The following MYCT1 variants were observed in gnomAD, a reference collection of about 807,000 sequenced individuals.
MYCT1 encodes MYC target 1, also known as myc target protein 1.
MYCT1 carries 12 observed loss-of-function variants against 15.0 expected under a neutral mutation model. The observed-to-expected ratio is 0.80, with a 90% CI of 0.51 to 1.29. MYCT1 has a LOEUF of 1.29. Ranked by LOEUF, MYCT1 falls within the 50% of genes most tolerant of loss-of-function variation. The pLI is 0.00. For synonymous variants in MYCT1, 104 were observed against 102.7 expected (o/e 1.01, Z -0.07); for missense variants, 287 against 279.1 (o/e 1.03, Z -0.20).
intron 1 of MYCT1, among the ~76,000 whole-genome samples, chr6:152,719,250 C>T (rs2099724273): frequency 6.6e-6 from 1 of 152,212 alleles, no homozygotes; most frequent in Non-Finnish European, 1.5e-5. Context: ...ACCATTCTCT[C>T]AAGTATTTCT....
Position 152,722,156 on chromosome 6 carries a change from G to A in MYCT1, c.611G>A (p.Arg204His), listed in dbSNP as rs375330501. 3.8e-5 allele frequency: 62 copies of A among 1,613,938 alleles called. No individual in the cohort carries two copies. The African/African-American group carries it at 4.7e-4, about 12-fold the overall frequency. Residue 204 changes from arginine (R) to histidine (H), a missense_variant, in exon 2 of 2, where the codon CGT (arginine) becomes CAT (histidine). By Grantham distance (29) the Arg-to-His change is conservative. Coordinates refer to ENST00000367245, the MANE Select transcript of MYCT1 (RefSeq NM_025107.3). The part of the protein sequence containing the change: ...PTISTSHSLS[R>H]PDYWSSNSLR... ...ATCAGCACTTCCCACAGTCTGAGCC[G>A]TCCTGACTACTGGTCCAGTAACAGT... is the stretch of plus-strand genomic sequence containing the variant.
At chr6:152,699,262 G>A (rs1317129080) in intron 1 of MYCT1, among the ~76,000 whole-genome samples, 2 of 152,072 alleles carry the variant, frequency 1.3e-5, no homozygotes, top group Non-Finnish European at 2.9e-5. Context: ...GATGAAAAAT[G>A]TGGGGACAAA....
At chr6:152,737,339 G>A in the MYCT1 span, among the ~76,000 whole-genome samples, 2 of 151,804 alleles carry the variant, frequency 1.3e-5, no homozygotes. Flanking sequence ...TTATGTATGT[G>A]TGTGTTTATA....
At chr6:152,707,423 G>C (rs910508066) in intron 1 of MYCT1, among the ~76,000 whole-genome samples, 1 of 151,818 alleles carries the variant, frequency 6.6e-6, no homozygotes, top group Non-Finnish European at 1.5e-5. Context: ...TCAGATATAC[G>C]GTTTGCAAAT....
downstream of MYCT1, among the ~76,000 whole-genome samples, chr6:152,728,187 C>T (rs2099725988): frequency 6.7e-6 from 1 of 150,088 alleles, no homozygotes; most frequent in African/African-American, 2.4e-5. Flanking sequence ...AAGGAAAAAG[C>T]AGGCTTCATA....
chr6:152,705,917 T>C, intron 1 of MYCT1: 1 of 765,902 alleles, frequency 1.3e-6, no homozygotes, highest in Non-Finnish European at 2.4e-6. Flanking sequence ...TTGGTTACGA[T>C]GCTATGGTCA....
At chr6:152,739,711 T>C in the MYCT1 span, among the ~76,000 whole-genome samples, 12 of 152,276 alleles carry the variant, frequency 7.9e-5, no homozygotes, top group East Asian at 1.9e-3. Flanking sequence ...TAACTTTCTG[T>C]CATATATTCA....
At chr6:152,746,211 G>A in the MYCT1 span, among the ~76,000 whole-genome samples, 1 of 152,244 alleles carries the variant, frequency 6.6e-6, no homozygotes, top group Non-Finnish European at 1.5e-5. Flanking sequence ...CACAGAGGGT[G>A]ATTGAGTTGA....
the MYCT1 span, among the ~76,000 whole-genome samples, chr6:152,744,438 C>CGG: frequency 5.3e-5 from 8 of 151,878 alleles, no homozygotes; most frequent in Admixed American, 3.3e-4. Flanking sequence ...AGGAAGGACT[C>CGG]AAGGCTCTTT....
chr6:152,714,504 A>T (rs1484414917), intron 1 of MYCT1, among the ~76,000 whole-genome samples: 1 of 151,254 alleles, frequency 6.6e-6, no homozygotes, highest in Non-Finnish European at 1.5e-5. Context: ...GGCTTTAGGC[A>T]CATCTCACAT....
chr6:152,742,469 G>A, the MYCT1 span, among the ~76,000 whole-genome samples: 1 of 152,138 alleles, frequency 6.6e-6, no homozygotes, highest in Non-Finnish European at 1.5e-5. Flanking sequence ...GATGAGAATA[G>A]CGTGATCCAG....
the MYCT1 span, among the ~76,000 whole-genome samples, chr6:152,745,058 T>C: frequency 6.6e-6 from 1 of 152,154 alleles, no homozygotes; most frequent in Admixed American, 6.5e-5. Flanking sequence ...ACATGTGGCC[T>C]CCAGGGTCAG....
intron 1 of MYCT1, among the ~76,000 whole-genome samples, chr6:152,707,252 G>A (rs2099722456): frequency 6.6e-6 from 1 of 151,992 alleles, no homozygotes. Flanking sequence ...TCCCTGATGA[G>A]TAGTTATGTT....
the MYCT1 span, among the ~76,000 whole-genome samples, chr6:152,741,652 G>A: frequency 2.6e-5 from 4 of 152,128 alleles, no homozygotes; most frequent in Non-Finnish European, 5.9e-5. Flanking sequence ...TTTAAAAATT[G>A]TATGATTTTT....
downstream of MYCT1, among the ~76,000 whole-genome samples, chr6:152,728,296 TTAAG>T (rs2099726004): frequency 6.6e-6 from 1 of 152,126 alleles, no homozygotes; most frequent in Non-Finnish European, 1.5e-5. Context: ...ATGGGTGCCA[TTAAG>T]TAACAGAAGT....
Position 152,720,219 on chromosome 6 carries a change from C to T in MYCT1, c.197-1523C>T, listed in dbSNP as rs991466786. Among the ~76,000 whole-genome samples the T allele has an allele frequency of 1.8e-4, 28 of 152,002 alleles. No homozygotes were observed. The Middle Eastern group carries it at 0.01, about 56-fold the overall frequency. On this transcript the variant is annotated intron_variant, in intron 1 of 1. Transcript: ENST00000367245. ...TCATCATCTGGCAGGCTAGTCTGGC[C>T]TTATTTATATGCTGACAATGGCAGG...
the MYCT1 span, among the ~76,000 whole-genome samples, chr6:152,734,439 G>A: frequency 6.6e-6 from 1 of 152,134 alleles, no homozygotes; most frequent in Non-Finnish European, 1.5e-5. Context: ...TGTGTTGCTT[G>A]GAAAAACTGC....
intron 1 of MYCT1, among the ~76,000 whole-genome samples, chr6:152,718,981 A>G (rs1363579195): frequency 1.3e-5 from 2 of 152,152 alleles, no homozygotes; most frequent in Non-Finnish European, 2.9e-5. Flanking sequence ...CACTAGTGTA[A>G]CTAATAGTTC....
chr6:152,732,515 A>C, the MYCT1 span, among the ~76,000 whole-genome samples: 1 of 152,204 alleles, frequency 6.6e-6, no homozygotes, highest in African/African-American at 2.4e-5. Flanking sequence ...AAATAGCGGC[A>C]TGCAATAAAA....
Sources: gnomAD v4.1 joint callset for allele counts (sites outside exome capture counted in the v4.1 genomes callset) on GRCh38, gnomAD v4.1.1 for gene constraint, MANE v1.5 for transcripts, NCBI Gene and HGNC (gene_info 2026-07-23, HGNC 2026-07-21) for gene names.